The following ANKHD1 variants were observed in gnomAD, a reference collection of about 807,000 sequenced individuals.
ANKHD1 encodes ankyrin repeat and KH domain-containing protein 1.
ANKHD1 carries 31 observed loss-of-function variants against 230.5 expected under a neutral mutation model. The observed-to-expected ratio is 0.13, with a 90% CI of 0.10 to 0.18. The LOEUF (loss-of-function observed/expected upper bound fraction) is 0.18, where lower values mean the gene tolerates loss of function less well. Ranked by LOEUF, ANKHD1 falls within the 10% of genes least tolerant of loss-of-function variation. ANKHD1 has a pLI of 1.00. For missense variants in ANKHD1, 2,256 were observed against 3,071.3 expected (o/e 0.73, Z 6.27); for synonymous variants, 1,074 against 1,117.6 (o/e 0.96, Z 0.78).
Position 140,526,077 on chromosome 5 carries a change from C to G in ANKHD1, c.4574C>G (p.Thr1525Arg). The G allele has an allele frequency of 6.2e-7, 1 of 1,613,384 alleles. No homozygotes were observed. Among genetic ancestry groups the G allele is most frequent in the Non-Finnish European group, 8.5e-7 (1 of 1,179,866 alleles). ...IGISATSATF[T>R]NVFGKKRANV... The stretch of plus-strand genomic sequence containing the variant: ...ATCTCTGCAACATCTGCAACATTCA[C>G]AAATGTGTTTGGGAAAAAAAGGGCC... The change falls in exon 26 of 34, where the codon ACA becomes AGA. Residue 1525 changes from threonine (T) to arginine (R), a missense_variant. Physicochemically the swap from Thr to Arg is moderately conservative, Grantham distance 71 (BLOSUM62 -1). Transcript: ENST00000360839.
chr5:140,470,298 A>G (rs1776395828), intron 10 of ANKHD1, among the ~76,000 whole-genome samples: 1 of 151,974 alleles, frequency 6.6e-6, no homozygotes, highest in Non-Finnish European at 1.5e-5. Context: ...TGAAGACTTT[A>G]ATAAGTCATA....
chr5:140,408,921 C>T (rs1770700225), intron 1 of ANKHD1, among the ~76,000 whole-genome samples: 1 of 152,176 alleles, frequency 6.6e-6, no homozygotes, highest in Admixed American at 6.5e-5. Flanking sequence ...AGAGCAGTTT[C>T]TCAAGAGCAA....
At chr5:140,513,090 A>C (rs1410084552) in intron 23 of ANKHD1, among the ~76,000 whole-genome samples, 167 bp downstream of exon 23, 1 of 152,152 alleles carries the variant, frequency 6.6e-6, no homozygotes, top group Non-Finnish European at 1.5e-5. Flanking sequence ...ACTTTTGATA[A>C]ACTATTTTGA....
chr5:140,536,086 T>TACTG (rs1754056577), intron 30 of ANKHD1, among the ~76,000 whole-genome samples: 1 of 152,092 alleles, frequency 6.6e-6, no homozygotes, highest in Non-Finnish European at 1.5e-5. Flanking sequence ...TCCTTTGTTC[T>TACTG]ATTGATTGAT....
At position 140,496,951 on chromosome 5, in the gene ANKHD1, TTTTCAGAGTTA is replaced by T. The variant is rs770435156; in HGVS notation, c.2678_2688del (p.Phe893SerfsTer4). 1.5e-5 allele frequency: 25 copies of T among 1,614,060 alleles called. No homozygotes were observed. In the South Asian group the frequency reaches 2.2e-4, roughly 14 times the overall value. ...AGATGGTAGTCTCCCAGAGGATCACTTTTCAGAGTTACCTCAGGTTGACACAATCTTATTTA... is the reference window on the plus strand; with the variant it reads ...AGATGGTAGTCTCCCAGAGGATCACTCCTCAGGTTGACACAATCTTATTTA... On this transcript the variant is annotated frameshift_variant, in exon 15 of 34. Transcript: ENST00000360839. LOFTEE classifies it high-confidence loss of function.
At chr5:140,473,894 C>T (rs1172932206) in intron 10 of ANKHD1, among the ~76,000 whole-genome samples, 1 of 152,018 alleles carries the variant, frequency 6.6e-6, no homozygotes, top group Non-Finnish European at 1.5e-5. Flanking sequence ...GTTTTGCAGC[C>T]CCACGTTTAC....
At position 140,500,357 on chromosome 5, in the gene ANKHD1, C is replaced by G. The variant is rs901600792; in HGVS notation, c.3004+3079C>G. ...CCACCTCTATTTTTCTGTTGAAAAA[C>G]TGAAGCTGGCCGGGAGCAGTGGCTC... is the stretch of plus-strand genomic sequence containing the variant. On this transcript the variant is annotated intron_variant, in intron 15 of 33. Coordinates refer to ENST00000360839, the MANE Select transcript of ANKHD1 (RefSeq NM_017747.3). 2.6e-5 allele frequency among the ~76,000 whole-genome samples: 4 copies of G among 151,996 alleles called. 1 individual carries two copies. In the South Asian group the frequency reaches 8.3e-4, roughly 32 times the overall value.
intron 1 of ANKHD1, among the ~76,000 whole-genome samples, chr5:140,407,063 G>A (rs1237623697): frequency 3.9e-5 from 6 of 151,914 alleles, no homozygotes; most frequent in East Asian, 1.9e-4. Flanking sequence ...TTGGGAGGCC[G>A]AGGTGGGTGG....
intron 24 of ANKHD1, among the ~76,000 whole-genome samples, chr5:140,516,036 T>C (rs949751031): frequency 3.3e-5 from 5 of 152,052 alleles, no homozygotes; most frequent in African/African-American, 9.7e-5. Context: ...GCAAAGAAGT[T>C]GAAAACTTTG....
At chr5:140,512,005 T>C (rs1752792393) in intron 22 of ANKHD1, among the ~76,000 whole-genome samples, 1 of 151,738 alleles carries the variant, frequency 6.6e-6, no homozygotes, top group African/African-American at 2.4e-5. Flanking sequence ...GGAGGCCGAG[T>C]CAGGTGGATC....
chr5:140,491,586 C>T (rs986023280), intron 14 of ANKHD1, among the ~76,000 whole-genome samples: 3 of 152,100 alleles, frequency 2.0e-5, no homozygotes, highest in Middle Eastern at 3.2e-3. Flanking sequence ...TTGTTTCTAC[C>T]TATAGCATAG....
chr5:140,530,135 T>G (rs553586686), intron 29 of ANKHD1, among the ~76,000 whole-genome samples: 1 of 152,266 alleles, frequency 6.6e-6, no homozygotes, highest in South Asian at 2.1e-4. Context: ...GTTCATAATT[T>G]ACATTGTTTA....
chr5:140,459,706 T>A (rs1051576668), intron 9 of ANKHD1, among the ~76,000 whole-genome samples: 1 of 152,156 alleles, frequency 6.6e-6, no homozygotes, highest in Non-Finnish European at 1.5e-5. Flanking sequence ...CCACAACATA[T>A]ACATATATCA....
At position 140,485,868 on chromosome 5, in the gene ANKHD1, T is replaced by C. The variant is rs912840099; in HGVS notation, c.2142+136T>C. 7.8e-7 allele frequency: 1 copy of C among 1,276,004 alleles called. No individual in the cohort carries two copies. Among genetic ancestry groups the C allele is most frequent in the Admixed American group, 2.9e-5 (1 of 33,978 alleles). The allele number at this position is 1,276,004 out of a possible 1,614,324, so 79.0% of individuals were successfully genotyped here. A position where few individuals can be genotyped will look rare whatever the true frequency, so the allele number is the denominator to read the frequency against. ...ATATTGAGAAAATCATGACTCTAAATTCTTTAGGATTTATTTTCTTTAAAG... is the reference window on the plus strand; with the variant it reads ...ATATTGAGAAAATCATGACTCTAAACTCTTTAGGATTTATTTTCTTTAAAG... On this transcript the variant is annotated intron_variant, in intron 13 of 33. Transcript: ENST00000360839. This position sits in a 1 kb window ranked among gnomAD's most constrained non-coding sequence, Gnocchi z 4.8.
chr5:140,433,128 C>T (rs959795744), intron 1 of ANKHD1, among the ~76,000 whole-genome samples: 4 of 151,568 alleles, frequency 2.6e-5, no homozygotes, highest in Non-Finnish European at 4.4e-5. Context: ...GAGTGCAGTG[C>T]CACAGTCTCA....
intron 1 of ANKHD1, among the ~76,000 whole-genome samples, chr5:140,430,982 A>G (rs1402589409): frequency 1.3e-5 from 2 of 152,182 alleles, no homozygotes; most frequent in Non-Finnish European, 2.9e-5. Flanking sequence ...ATTTTGAAGT[A>G]ATGCTAATGC....
At chr5:140,403,677 C>CT (rs1364478563) in intron 1 of ANKHD1, among the ~76,000 whole-genome samples, 4 of 152,146 alleles carry the variant, frequency 2.6e-5, no homozygotes, top group African/African-American at 4.8e-5. Context: ...TATGTGTATA[C>CT]TTTTTTCTGT....
chr5:140,470,529 T>C (rs967630980), intron 10 of ANKHD1, among the ~76,000 whole-genome samples: 3 of 151,454 alleles, frequency 2.0e-5, no homozygotes, highest in Non-Finnish European at 4.4e-5. Context: ...TTATGTCTAA[T>C]ACATTTCTTT....
chr5:140,455,813 C>T (rs187185335), intron 7 of ANKHD1, among the ~76,000 whole-genome samples: 1 of 152,116 alleles, frequency 6.6e-6, no homozygotes, highest in Non-Finnish European at 1.5e-5. Flanking sequence ...ACAAGACAGG[C>T]ATGCCGTCTC....
Sources: gnomAD v4.1 joint callset for allele counts (sites outside exome capture counted in the v4.1 genomes callset) on GRCh38, gnomAD v4.1.1 for gene constraint, Gnocchi (gnomAD v3.1) non-coding constraint, MANE v1.5 for transcripts, NCBI Gene and HGNC (gene_info 2026-07-23, HGNC 2026-07-21) for gene names.